ANXA4: variants seen among roughly 807,000 people sequenced by gnomAD.
The protein encoded by ANXA4 is annexin A4, also known as 35-beta calcimedin.
In ANXA4, 39 loss-of-function variants were observed where a neutral mutation model predicts 49.8. The ratio of observed to expected loss-of-function variants is 0.78; its 90% CI spans 0.61 to 1.02. The LOEUF (loss-of-function observed/expected upper bound fraction) is 1.02, where lower values mean the gene tolerates loss of function less well. Among genes scored for constraint, ANXA4 ranks in the 50% least tolerant of loss-of-function variants. The probability of loss-of-function intolerance (pLI) is 0.00; values close to 1 mark genes in which losing one functional copy is unlikely to be tolerated. For missense variants in ANXA4, 360 were observed against 410.1 expected, an observed-to-expected ratio of 0.88 and a Z score of 1.05; for synonymous variants, 134 against 152.5, an observed-to-expected ratio of 0.88 and a Z score of 0.89.
intron 3 of ANXA4, among the ~76,000 whole-genome samples, chr2:69,733,960 T>C (rs1670175181): frequency 6.6e-6 from 1 of 152,180 alleles, no homozygotes; most frequent in African/African-American, 2.4e-5. Context: ...GAGCTATTTT[T>C]TTTTTTTAAT....
intron 1 of ANXA4, among the ~76,000 whole-genome samples, chr2:69,646,424 C>T (rs1676011405): frequency 6.6e-6 from 1 of 152,126 alleles, no homozygotes; most frequent in South Asian, 2.1e-4. Context: ...CTTAGCAGTA[C>T]TTAAAGTAAA....
At chr2:69,793,772 C>A (rs1245912386) in intron 3 of ANXA4, among the ~76,000 whole-genome samples, 1 of 151,976 alleles carries the variant, frequency 6.6e-6, no homozygotes, top group East Asian at 1.9e-4. Context: ...TTTTCTGTTT[C>A]CCCAAGGAGT....
chr2:69,826,155 A>C lies in ANXA4; in HGVS notation c.*640A>C, dbSNP rs1674463606. 1 of 152,676 alleles carries C rather than the reference A, an allele frequency of 6.5e-6. No individual in the cohort carries two copies. The highest frequency in any genetic ancestry group is 6.5e-5 in the Admixed American group (1 of 15,282). The allele number at this position is 152,676 out of a possible 1,614,324, so 9.5% of individuals were successfully genotyped here. On this transcript the variant is annotated 3_prime_UTR_variant, in exon 13 of 13. Coordinates refer to ENST00000394295, the MANE Select transcript of ANXA4 (RefSeq NM_001153.5). Reference sequence around the variant, plus strand: ...ACCAATTTATCTGAACTAAATTCTAAAGTATGGTTATACAAACCATATACA... The same window carrying C: ...ACCAATTTATCTGAACTAAATTCTACAGTATGGTTATACAAACCATATACA...
chr2:69,655,752 A>C (rs1425520197), intron 2 of ANXA4, among the ~76,000 whole-genome samples: 2 of 152,254 alleles, frequency 1.3e-5, no homozygotes, highest in Non-Finnish European at 2.9e-5. Context: ...GGCACTGTTC[A>C]CAATAGCAAA....
chr2:69,747,035 T>C (rs1306872225), intron 1 of ANXA4, among the ~76,000 whole-genome samples: 1 of 151,688 alleles, frequency 6.6e-6, no homozygotes, highest in African/African-American at 2.4e-5. Flanking sequence ...TTCCTCCTCC[T>C]CCCCACGAAA....
At chr2:69,777,408 G>A (rs928294227) in intron 1 of ANXA4, among the ~76,000 whole-genome samples, 1 of 152,110 alleles carries the variant, frequency 6.6e-6, no homozygotes, top group African/African-American at 2.4e-5. Flanking sequence ...TAGTTATCTG[G>A]GGGCTTTCCA....
At chr2:69,792,752 T>C (rs186970462) in intron 3 of ANXA4, among the ~76,000 whole-genome samples, 261 of 152,360 alleles carry the variant, frequency 1.7e-3, no homozygotes, top group African/African-American at 5.7e-3. Context: ...AATTCCATGT[T>C]CAGTAGTTTC....
intron 1 of ANXA4, among the ~76,000 whole-genome samples, chr2:69,651,933 C>T (rs953959786): frequency 6.6e-6 from 1 of 151,616 alleles, no homozygotes; most frequent in African/African-American, 2.4e-5. Context: ...CTGCCTCAGC[C>T]TCCAAAAGTG....
chr2:69,818,347 G>T (rs1414429454), intron 9 of ANXA4: 1 of 255,730 alleles, frequency 3.9e-6, no homozygotes, highest in African/African-American at 2.2e-5. Context: ...CATTTTATGT[G>T]TGAGGGTCCC....
At chr2:69,666,860 A>T (rs1676957028) in intron 2 of ANXA4, among the ~76,000 whole-genome samples, 1 of 152,288 alleles carries the variant, frequency 6.6e-6, no homozygotes, top group South Asian at 2.1e-4. Context: ...AGCCTGGCCA[A>T]CATGGCAAAA....
At chr2:69,777,750 C>T (rs1008070179) in intron 1 of ANXA4, among the ~76,000 whole-genome samples, 5 of 152,292 alleles carry the variant, frequency 3.3e-5, no homozygotes, top group East Asian at 3.9e-4. Flanking sequence ...GAATTTTGAA[C>T]GGCTAGCCCC....
chr2:69,780,830 G>T (rs1246170969), intron 1 of ANXA4, among the ~76,000 whole-genome samples: 1 of 152,138 alleles, frequency 6.6e-6, no homozygotes, highest in Non-Finnish European at 1.5e-5. Context: ...GACTGTTTAT[G>T]TGTCATGAGA....
chr2:69,808,363 T>G (rs1456866953), intron 6 of ANXA4: 2 of 229,278 alleles, frequency 8.7e-6, no homozygotes, highest in East Asian at 2.5e-4. Context: ...GCCCAAATTC[T>G]TCCCTTCAGA....
intron 2 of ANXA4, among the ~76,000 whole-genome samples, chr2:69,674,914 TG>T (rs1479582493): frequency 2.2e-5 from 3 of 134,006 alleles, no homozygotes; most frequent in South Asian, 4.9e-4. Context: ...TAACATAAAC[TG>T]TTTTTTTTTT....
In ANXA4 at chr2:69,671,779, CT is replaced by C. The variant is rs1198526627; in HGVS notation, n.766+18499del. Among the ~76,000 whole-genome samples, 110 of 152,238 alleles carry C rather than the reference CT, an allele frequency of 7.2e-4. 1 individual carries two copies. Among genetic ancestry groups the C allele is most frequent in the Non-Finnish European group, 4.3e-4 (29 of 68,004 alleles). ...TGTGAATAAGTACACAAAAAAGATG[CT>C]TGACCTCATTCATAGTCAGGGAAAT... On this transcript the variant is annotated intron_variant and non_coding_transcript_variant, in intron 2 of 3. Transcript: ENST00000418066.
chr2:69,680,128 G>C (rs1439446437), intron 2 of ANXA4, among the ~76,000 whole-genome samples: 1 of 152,078 alleles, frequency 6.6e-6, no homozygotes, highest in Non-Finnish European at 1.5e-5. Context: ...TAATTCTTCT[G>C]ATCTATGAAC....
At chr2:69,812,598 C>T (rs1673755868) in intron 7 of ANXA4, 55 bp from the exon 8 acceptor site, 2 of 1,486,618 alleles carry the variant, frequency 1.3e-6, no homozygotes, top group Non-Finnish European at 1.9e-6. Context: ...AATGGTGTCC[C>T]CAGATCTTCA....
intron 2 of ANXA4, among the ~76,000 whole-genome samples, chr2:69,662,992 C>CTTTTTTTTT (rs746269236): frequency 8.9e-5 from 11 of 123,200 alleles, no homozygotes; most frequent in East Asian, 4.9e-4. Flanking sequence ...TTTTCTTTTT[C>CTTTTTTTTT]TTTTTTTTTT....
At chr2:69,811,831 C>T (rs544129666) in intron 7 of ANXA4, among the ~76,000 whole-genome samples, 1 of 152,286 alleles carries the variant, frequency 6.6e-6, no homozygotes, top group African/African-American at 2.4e-5. Flanking sequence ...CTTAGTAACG[C>T]CTGCCTGTGT....
Sources: gnomAD v4.1 joint callset for allele counts (sites outside exome capture counted in the v4.1 genomes callset) on GRCh38, gnomAD v4.1.1 for gene constraint, MANE v1.5 for transcripts, NCBI Gene and HGNC (gene_info 2026-07-23, HGNC 2026-07-21) for gene names.